ITSN2: variants seen among roughly 807,000 people sequenced by gnomAD.
ITSN2 encodes intersectin 2, also known as intersectin-2.
In ITSN2, 156 loss-of-function variants were observed where a neutral mutation model predicts 243.7. That is an observed-to-expected ratio of 0.64 (90% confidence interval 0.56 to 0.73). ITSN2 has a LOEUF of 0.73. Among genes scored for constraint, ITSN2 ranks in the 30% least tolerant of loss-of-function variants. The pLI, the probability that ITSN2 is intolerant of heterozygous loss-of-function variation, is 0.00. For synonymous variants in ITSN2, 703 were observed against 699.9 expected, an observed-to-expected ratio of 1.00 and a Z score of -0.07; for missense variants, 1,801 against 1,996.1, an observed-to-expected ratio of 0.90 and a Z score of 1.86.
chr2:24,282,612 G>A (rs1047528040), intron 17 of ITSN2, among the ~76,000 whole-genome samples: 1 of 152,100 alleles, frequency 6.6e-6, no homozygotes, highest in Non-Finnish European at 1.5e-5. Context: ...CCCCCACTGG[G>A]GCTTCAGCTG....
At chr2:24,348,833 C>T (rs1477805336) in intron 1 of ITSN2, among the ~76,000 whole-genome samples, 3 of 152,190 alleles carry the variant, frequency 2.0e-5, no homozygotes, top group South Asian at 2.1e-4. Context: ...TTTTCCTATG[C>T]TATCAAGCCA....
chr2:24,225,561 C>G lies in ITSN2; in HGVS notation c.3578-4495G>C, dbSNP rs1459314036. ...GAGTCTGCCTTTCTCAGCCCTTGAG[C>G]CTCTCCTCTTCTTGGTGTTTCCTTC... On this transcript the variant is annotated intron_variant, in intron 29 of 39. Transcript: ENST00000355123. The surrounding 1 kb of genome is among the most constrained non-coding windows in gnomAD (Gnocchi z 4.2). Among the ~76,000 whole-genome samples, 2 of 152,138 alleles carry G rather than the reference C, an allele frequency of 1.3e-5. No homozygotes were observed. The highest frequency in any genetic ancestry group is 2.9e-5 in the Non-Finnish European group (2 of 68,028).
At chr2:24,226,596 G>A (rs944831064) in intron 29 of ITSN2, among the ~76,000 whole-genome samples, 11 of 152,096 alleles carry the variant, frequency 7.2e-5, no homozygotes, top group Non-Finnish European at 1.6e-4. Flanking sequence ...TTCTATTAGC[G>A]GTAAATGTGC....
intron 18 of ITSN2, among the ~76,000 whole-genome samples, chr2:24,272,424 C>CT (rs528083155): frequency 0.16 from 20,352 of 123,360 alleles, 2,325 homozygotes; most frequent in African/African-American, 0.32. Flanking sequence ...AAACAACCTA[C>CT]TTTTTTTTTT....
At chr2:24,301,114 G>A in intron 11 of ITSN2, 40 bp downstream of exon 11, 1 of 1,045,650 alleles carries the variant, frequency 9.6e-7, no homozygotes, top group Non-Finnish European at 1.4e-6. Context: ...GAATTTAAAA[G>A]AACTCAGTAT....
At chr2:24,285,331 G>A (rs1028093350) in intron 16 of ITSN2, among the ~76,000 whole-genome samples, 18 of 152,060 alleles carry the variant, frequency 1.2e-4, no homozygotes, top group African/African-American at 4.3e-4. Flanking sequence ...TATTAACATT[G>A]TTCACCTCAA....
chr2:24,341,677 G>T (rs140187390), intron 1 of ITSN2, among the ~76,000 whole-genome samples: 1 of 152,068 alleles, frequency 6.6e-6, no homozygotes, highest in Non-Finnish European at 1.5e-5. Flanking sequence ...TCAGGAGACC[G>T]GTCTCACGGT....
At chr2:24,207,928 A>G (rs1001476830) in intron 37 of ITSN2, among the ~76,000 whole-genome samples, 6 of 151,860 alleles carry the variant, frequency 4.0e-5, no homozygotes, top group Non-Finnish European at 8.8e-5. Flanking sequence ...ATGGAGCACC[A>G]CAGCCCAAGC....
Position 24,261,153 on chromosome 2 carries a change from A to G in ITSN2, c.2635T>C (p.Phe879Leu). The change falls in exon 22 of 40, where the codon TTC becomes CTC. Residue 879 changes from phenylalanine (F) to leucine (L), a missense_variant. Phe to Leu is a conservative substitution (Grantham distance 22). This residue lies in a region of ITSN2 where 928 missense variants were observed against 1,065.4 expected (regional missense o/e 0.87). Transcript: ENST00000355123. Reference protein sequence around the residue: ...VNTSWQKKSAFTRTVSPGSVS... With the variant: ...VNTSWQKKSALTRTVSPGSVS... ...GATCCAGGGGACACAGTTCGAGTGA[A>G]GGCTGATTTTTTCTGCCATGATGTA... 6.2e-7 allele frequency: 1 copy of G among 1,613,886 alleles called. No individual in the cohort carries two copies. The highest frequency in any genetic ancestry group is 1.1e-5 in the South Asian group (1 of 91,072).
At chr2:24,235,565 G>A (rs1672068944) in intron 29 of ITSN2, among the ~76,000 whole-genome samples, 3 of 152,174 alleles carry the variant, frequency 2.0e-5, no homozygotes, top group Non-Finnish European at 2.9e-5. Flanking sequence ...GGGAGGCTAT[G>A]CCTGTGTCGG....
At chr2:24,237,216 G>A (rs1467602006) in intron 29 of ITSN2, among the ~76,000 whole-genome samples, 1 of 152,062 alleles carries the variant, frequency 6.6e-6, no homozygotes, top group African/African-American at 2.4e-5. Flanking sequence ...TACATTCAAG[G>A]ACCTTAGAAA....
chr2:24,330,224 T>TA (rs1197531436), intron 1 of ITSN2, among the ~76,000 whole-genome samples: 1 of 152,206 alleles, frequency 6.6e-6, no homozygotes, highest in Non-Finnish European at 1.5e-5. Flanking sequence ...GTCTAAAACT[T>TA]ACAAATCATC....
In ITSN2 at chr2:24,271,826, G is replaced by C. The variant is rs776569610; in HGVS notation, c.2197C>G (p.Arg733Gly). Residue 733 changes from arginine to glycine, a missense_variant, in exon 19 of 40, where the codon CGG becomes GGG. Arg to Gly is a moderately radical substitution (Grantham distance 125). Around this residue, in one of 5 missense-constraint regions of ITSN2, gnomAD observed 787 missense variants for 803.9 expected, o/e 0.98. Coordinates refer to ENST00000355123, the MANE Select transcript of ITSN2 (RefSeq NM_006277.3). The stretch of plus-strand genomic sequence containing the variant: ...TTACGTTGTTTCTCCTCAGCTTTCC[G>C]TTCCTCTTCTTGAATTTTTTCTTGT... ...KTQEKIQEEERKAEEKQRKDK... is the reference protein window; with the variant it reads ...KTQEKIQEEEGKAEEKQRKDK... 2 of 1,608,886 alleles carry C rather than the reference G, an allele frequency of 1.2e-6. No homozygotes were observed. Among genetic ancestry groups the C allele is most frequent in the African/African-American group, 2.7e-5 (2 of 74,352 alleles).
intron 18 of ITSN2, among the ~76,000 whole-genome samples, chr2:24,272,509 G>A (rs759181860): frequency 6.7e-6 from 1 of 148,780 alleles, no homozygotes; most frequent in African/African-American, 2.5e-5. Flanking sequence ...ACAGGTCACT[G>A]CAGCCTGGAT....
chr2:24,216,391 G>A, intron 31 of ITSN2, 159 bp from the exon 32 acceptor site: 1 of 548,726 alleles, frequency 1.8e-6, no homozygotes, highest in Non-Finnish European at 3.0e-6. Context: ...GATAGCTTGG[G>A]CCAAAAGCTC....
At chr2:24,337,319 T>TATATATATATACATATATATATAC (rs1336561913) in intron 1 of ITSN2, among the ~76,000 whole-genome samples, 1 of 66,952 alleles carries the variant, frequency 1.5e-5, no homozygotes, top group Non-Finnish European at 2.7e-5. Context: ...ACACAAAATA[T>TATATATATATACATATATATATAC]ATATATATAT....
In ITSN2 at chr2:24,295,122, C is replaced by T. The variant is rs189660789; in HGVS notation, c.1635+542G>A. 3.3e-5 allele frequency among the ~76,000 whole-genome samples: 5 copies of T among 152,214 alleles called. No homozygotes were observed. In the East Asian group the frequency reaches 9.7e-4, roughly 29 times the overall value. On this transcript the variant is annotated intron_variant, in intron 14 of 39. Coordinates refer to ENST00000355123, the MANE Select transcript of ITSN2 (RefSeq NM_006277.3). The stretch of plus-strand genomic sequence containing the variant: ...CATAAACATTGTTAAAGAGTTAAAA[C>T]TCAAAGTGATAAATGTCCACTTACG...
At chr2:24,279,886 C>G (rs1473509934) in intron 17 of ITSN2, among the ~76,000 whole-genome samples, 1 of 151,956 alleles carries the variant, frequency 6.6e-6, no homozygotes, top group Non-Finnish European at 1.5e-5. Context: ...GCGTCTGCCA[C>G]CATGCCCGGC....
rs1015933473 is a variant in ITSN2 at position 24,325,191 on chromosome 2, T to C, written c.31+2861A>G. The stretch of plus-strand genomic sequence containing the variant: ...TTGGGAGGCTAAGGTGGAGGACTTC[T>C]TGAGCCCAAGAGTTCAAGACCAGCT... On this transcript the variant is annotated intron_variant, in intron 2 of 39. Transcript: ENST00000355123. Among the ~76,000 whole-genome samples, 9 of 152,042 alleles carry C rather than the reference T, an allele frequency of 5.9e-5. 1 individual carries two copies. Among genetic ancestry groups the C allele is most frequent in the African/African-American group, 2.2e-4 (9 of 41,344 alleles).
Sources: gnomAD v4.1 joint callset for allele counts (sites outside exome capture counted in the v4.1 genomes callset) on GRCh38, gnomAD v4.1.1 for gene constraint, gnomAD v4.1.1 regional missense constraint, Gnocchi (gnomAD v3.1) non-coding constraint, MANE v1.5 for transcripts, NCBI Gene and HGNC (gene_info 2026-07-23, HGNC 2026-07-21) for gene names.